Variants in ERBB4 observed in about 807,000 individuals in gnomAD.
The protein encoded by ERBB4 is erb-b2 receptor tyrosine kinase 4.
Under a neutral mutation model 158.0 loss-of-function variants are expected in ERBB4, and 42 were observed. That is an observed-to-expected ratio of 0.27 (90% CI 0.21 to 0.34). The LOEUF is 0.34. Among genes scored for constraint, ERBB4 ranks in the 10% least tolerant of loss-of-function variants. The pLI is 1.00. For missense variants in ERBB4, 1,333 were observed against 1,624.1 expected, an observed-to-expected ratio of 0.82 and a Z score of 3.08; for synonymous variants, 583 against 558.7, an observed-to-expected ratio of 1.04 and a Z score of -0.61.
rs189867278 is a variant in ERBB4 at position 211,428,172 on chromosome 2, C to T, written c.2719+236G>A. On this transcript the variant is annotated intron_variant, in intron 22 of 27. Transcript: ENST00000342788. ...AACCACCATGCCACATGTATACCTA[C>T]GCAACAAACCTGCAGGTTCTGCATG... 2.0e-4 allele frequency among the ~76,000 whole-genome samples: 30 copies of T among 151,176 alleles called. No individual in the cohort carries two copies. The East Asian group carries it at 4.1e-3, about 21-fold the overall frequency.
chr2:212,293,382 A>T (rs564306546), intron 1 of ERBB4, among the ~76,000 whole-genome samples: 59 of 152,212 alleles, frequency 3.9e-4, no homozygotes, highest in African/African-American at 1.3e-3. Flanking sequence ...ATCTGATCTC[A>T]TAATTTAATA....
chr2:211,924,591 G>A (rs1027916155), intron 3 of ERBB4, among the ~76,000 whole-genome samples: 4 of 152,090 alleles, frequency 2.6e-5, no homozygotes, highest in African/African-American at 7.2e-5. Context: ...ATTGGCTATA[G>A]ATTATGTTTA....
At chr2:212,429,098 C>T (rs981589984) in intron 1 of ERBB4, 1 of 152,254 alleles carries the variant, frequency 6.6e-6, no homozygotes, top group African/African-American at 2.4e-5. Flanking sequence ...CTGGCATTAG[C>T]CCCAGGCCCA....
At chr2:211,941,720 T>TA (rs1163685483) in intron 3 of ERBB4, among the ~76,000 whole-genome samples, 6 of 150,198 alleles carry the variant, frequency 4.0e-5, no homozygotes, top group Admixed American at 6.6e-5. Flanking sequence ...GGAACACTTT[T>TA]TTTTTTTTTT....
chr2:211,836,541 A>C (rs187701175), intron 3 of ERBB4, among the ~76,000 whole-genome samples: 14 of 152,156 alleles, frequency 9.2e-5, no homozygotes, highest in South Asian at 2.1e-4. Flanking sequence ...GTACATACCA[A>C]ACTTCCAGAG....
intron 5 of ERBB4, among the ~76,000 whole-genome samples, chr2:211,750,083 C>T (rs774460591): frequency 1.3e-5 from 2 of 152,050 alleles, no homozygotes; most frequent in African/African-American, 4.8e-5. Flanking sequence ...ATGATAGCTT[C>T]ATATTTTCTT....
intron 20 of ERBB4, among the ~76,000 whole-genome samples, chr2:211,467,547 A>G (rs906244937): frequency 5.3e-5 from 8 of 152,124 alleles, no homozygotes; most frequent in African/African-American, 1.9e-4. Flanking sequence ...CCTTGGAAAT[A>G]ATCCTGTGTA....
rs1182245048 is a variant in ERBB4 at position 212,036,469 on chromosome 2, C to A, written c.234+88283G>T. Among the ~76,000 whole-genome samples the A allele has an allele frequency of 3.5e-5, 5 of 143,122 alleles. No individual in the cohort carries two copies. In the East Asian group the frequency reaches 1.0e-3, roughly 29 times the overall value. 93.9% of individuals were successfully genotyped at this position (143,122 alleles called of 152,430 possible). ...AGTTCAAATCATGGATAAATACATT[C>A]TTTTTTTTTTTTTTAGATGGAGCCT... On this transcript the variant is annotated intron_variant, in intron 2 of 27. Transcript: ENST00000342788.
At chr2:211,955,884 T>C (rs2081013219) in intron 2 of ERBB4, among the ~76,000 whole-genome samples, 1 of 152,186 alleles carries the variant, frequency 6.6e-6, no homozygotes, top group African/African-American at 2.4e-5. Context: ...CTGCTAAATT[T>C]AATTTGTCTA....
rs2073277147 is a variant in ERBB4, at chr2:211,702,145, G to C, written c.1311C>G (p.Leu437=). 10 of 1,614,022 alleles carry C rather than the reference G, an allele frequency of 6.2e-6. No individual in the cohort carries two copies. The Admixed American group carries it at 1.0e-4, about 16-fold the overall frequency. The stretch of plus-strand genomic sequence containing the variant: ...GTAGAGAGGTGATGCCCTGTTGCTT[G>C]AGGATAAGCAAGGACAGGCCACTAA... ...VLYSGLSLLI[L]KQQGITSLQF... is the part of the protein sequence containing the mutation. Residue 437 remains leucine, a synonymous_variant, in exon 12 of 28, where the codon CTC becomes CTG. Transcript: ENST00000342788.
intron 16 of ERBB4, 39 bp from the exon 17 acceptor site, chr2:211,630,633 G>T (rs1363109956): frequency 6.5e-7 from 1 of 1,544,546 alleles, no homozygotes; most frequent in Admixed American, 1.7e-5. Flanking sequence ...TAAAAAGTAT[G>T]AAGAGAGAGA....
intron 1 of ERBB4, among the ~76,000 whole-genome samples, chr2:212,530,400 T>C (rs1481443941): frequency 6.6e-6 from 1 of 152,202 alleles, no homozygotes; most frequent in Non-Finnish European, 1.5e-5. Context: ...TAGGTCCCTA[T>C]AGAAACCCAT....
intron 1 of ERBB4, among the ~76,000 whole-genome samples, chr2:212,383,775 G>A (rs2090586408): frequency 6.6e-6 from 1 of 151,586 alleles, no homozygotes; most frequent in African/African-American, 2.4e-5. Context: ...CAAGTACAAA[G>A]TACCTTTAGT....
At chr2:212,303,180 A>C (rs1574638055) in intron 1 of ERBB4, among the ~76,000 whole-genome samples, 2 of 151,478 alleles carry the variant, frequency 1.3e-5, no homozygotes, top group Middle Eastern at 3.2e-3. Flanking sequence ...TAGAAAGGGC[A>C]GGAAAAGCAG....
intron 5 of ERBB4, among the ~76,000 whole-genome samples, chr2:211,745,737 A>AAAC (rs2074951575): frequency 6.6e-6 from 1 of 150,842 alleles, no homozygotes; most frequent in African/African-American, 2.5e-5. Context: ...AAACAAAACA[A>AAAC]AAAAAACCCT....
intron 2 of ERBB4, among the ~76,000 whole-genome samples, chr2:212,109,407 C>A (rs2079334751): frequency 6.6e-6 from 1 of 152,174 alleles, no homozygotes; most frequent in Non-Finnish European, 1.5e-5. Flanking sequence ...TCTATGAGAG[C>A]CCTTCAAATA....
chr2:212,358,426 C>T (rs2089549174), intron 1 of ERBB4, among the ~76,000 whole-genome samples: 1 of 151,452 alleles, frequency 6.6e-6, no homozygotes, highest in African/African-American at 2.4e-5. Flanking sequence ...TACACTTGTA[C>T]AGTAGACAAA....
intron 2 of ERBB4, among the ~76,000 whole-genome samples, chr2:212,023,847 GA>G: frequency 6.6e-6 from 1 of 151,618 alleles, no homozygotes; most frequent in East Asian, 1.9e-4. Flanking sequence ...CAATATCCAG[GA>G]AATGAATATG....
chr2:212,373,690 C>T (rs11682488), intron 1 of ERBB4, among the ~76,000 whole-genome samples: 25,370 of 139,254 alleles, frequency 0.18, 2,690 homozygotes, highest in South Asian at 0.25. Context: ...AATGGAGATA[C>T]ATATATATCC....
Sources: allele counts gnomAD v4.1 joint callset (sites outside exome capture counted in the v4.1 genomes callset), GRCh38; gene constraint gnomAD v4.1.1; transcripts MANE v1.5; gene names NCBI Gene and HGNC (gene_info 2026-07-23, HGNC 2026-07-21).